The following VPS9D1 variants were observed in gnomAD, a reference collection of about 807,000 sequenced individuals.
The protein encoded by VPS9D1 is VPS9 domain-containing protein 1.
VPS9D1 carries 78 observed loss-of-function variants against 75.8 expected under a neutral mutation model. The ratio of observed to expected loss-of-function variants is 1.03; its 90% CI spans 0.86 to 1.24. VPS9D1 has a LOEUF of 1.24. VPS9D1 is among the 50% of genes most tolerant of loss of function. The probability of loss-of-function intolerance (pLI) is 0.00; values close to 1 mark genes in which losing one functional copy is unlikely to be tolerated. For missense variants in VPS9D1, 1,057 were observed against 847.7 expected, an observed-to-expected ratio of 1.25 and a Z score of -3.07; for synonymous variants, 481 against 385.6, an observed-to-expected ratio of 1.25 and a Z score of -2.90.
chr16:89,719,436 G>C, intron 1 of VPS9D1: 1 of 473,108 alleles, frequency 2.1e-6, no homozygotes, highest in South Asian at 1.6e-5. Flanking sequence ...GCCTGGGGAA[G>C]TGACCTCAGC....
At chr16:89,719,464 C>A (rs2061182860) in intron 1 of VPS9D1, 2 of 425,066 alleles carry the variant, frequency 4.7e-6, no homozygotes, top group Admixed American at 2.7e-5. Context: ...TGTCATTTTT[C>A]ATTCTATGCA....
intron 14 of VPS9D1, among the ~76,000 whole-genome samples, 155 bp downstream of exon 14, chr16:89,708,272 T>C (rs1401722204): frequency 6.6e-6 from 1 of 152,224 alleles, no homozygotes; most frequent in Non-Finnish European, 1.5e-5. Context: ...GCAGGCACTC[T>C]GCACAGGTGG....
rs756971544 is a variant in VPS9D1, at chr16:89,709,909, G to C, written c.1259-3C>G. On this transcript the variant is annotated splice_region_variant and splice_polypyrimidine_tract_variant and intron_variant, in intron 10 of 14. Transcript: ENST00000389386. ...AAGGGTCAGCGAGAGCAGCCTGTCT[G>C]CTAGGAACAGAGCCGGGGACGTCCA... The C allele has an allele frequency of 6.2e-7, 1 of 1,605,102 alleles. No individual in the cohort carries two copies. The highest frequency in any genetic ancestry group is 1.1e-5 in the South Asian group (1 of 89,764).
chr16:89,717,119 C>T (rs1405980040), intron 2 of VPS9D1, among the ~76,000 whole-genome samples: 2 of 127,324 alleles, frequency 1.6e-5, no homozygotes, highest in Admixed American at 7.7e-5. Flanking sequence ...GCCCCTTCCA[C>T]CCCCCACTGA....
intron 14 of VPS9D1, 143 bp downstream of exon 14, chr16:89,708,284 C>T: frequency 2.5e-6 from 2 of 801,350 alleles, no homozygotes; most frequent in Middle Eastern, 2.3e-4. Flanking sequence ...CACAGGTGGA[C>T]CCACAGGGGC....
intron 8 of VPS9D1, chr16:89,711,639 G>A (rs1477597667): frequency 1.1e-5 from 7 of 651,824 alleles, no homozygotes; most frequent in African/African-American, 7.6e-5. Flanking sequence ...CTCCTCGCAG[G>A]GACCCTCCCT....
Position 89,712,697 on chromosome 16 carries a change from C to G in VPS9D1, c.451G>C (p.Glu151Gln). 6.2e-7 allele frequency: 1 copy of G among 1,608,338 alleles called. No homozygotes were observed. The highest frequency in any genetic ancestry group is 2.2e-5 in the East Asian group (1 of 44,776). ...SCKKELTPLE[E>Q]ASLQNQKLKA... ...AGCTTCTGATTCTGCAGGGAGGCCT[C>G]CTCCAGTGGCGTCAGCTCTCTGGAA... Residue 151 changes from glutamate to glutamine, a missense_variant, in exon 5 of 15, where the codon GAG becomes CAG. Transcript: ENST00000389386.
rs757629688 is a variant in VPS9D1 at position 89,709,837 on chromosome 16, A to G, written c.1328T>C (p.Leu443Pro). Residue 443 changes from leucine (L) to proline (P), a missense_variant, in exon 11 of 15, where the codon CTG becomes CCG. Leu to Pro is a moderately conservative substitution (Grantham distance 98). Transcript: ENST00000389386. ...LNTAASKDRC[L>P]ACIEEPFFSP... is the part of the protein sequence containing the mutation. ...GAAAAAGGGTTCCTCAATGCAGGCC[A>G]GGCAGCGGTCCTTGGAGGCAGCTGT... The G allele has an allele frequency of 1.2e-6, 2 of 1,613,842 alleles. No homozygotes were observed. The highest frequency in any genetic ancestry group is 1.7e-6 in the Non-Finnish European group (2 of 1,179,922).
chr16:89,718,992 G>A, intron 2 of VPS9D1, 35 bp downstream of exon 2: 1 of 1,592,766 alleles, frequency 6.3e-7, no homozygotes. Context: ...GGGATTACAG[G>A]CGTGAGCCAC....
At position 89,708,808 on chromosome 16, in the gene VPS9D1, T is replaced by C. The variant is rs762042897; in HGVS notation, c.1697+49A>G. ...GATAGTCCCTCCCGTGACCATTGCC[T>C]TTCTAGGGCCCTTCCTCCCTGGCCA... is the stretch of plus-strand genomic sequence containing the variant. On this transcript the variant is annotated intron_variant, in intron 13 of 14. Transcript: ENST00000389386. The C allele has an allele frequency of 3.3e-6, 5 of 1,510,362 alleles. No individual in the cohort carries two copies. The African/African-American group carries it at 5.6e-5, about 17-fold the overall frequency. 93.6% of individuals were successfully genotyped at this position (1,510,362 alleles called of 1,614,324 possible).
chr16:89,711,706 C>A, intron 8 of VPS9D1, 176 bp downstream of exon 8: 1 of 823,316 alleles, frequency 1.2e-6, no homozygotes. Flanking sequence ...CTGCCCCGCC[C>A]CACGCAGCCC....
chr16:89,708,582 C>A lies in VPS9D1; in HGVS notation c.1698-51G>T, dbSNP rs369107338. The A allele has an allele frequency of 6.4e-6, 10 of 1,559,884 alleles. No homozygotes were observed. The African/African-American group carries it at 8.1e-5, about 13-fold the overall frequency. The stretch of plus-strand genomic sequence containing the variant: ...GGTTGGGGCCAGGAGCCTCTCACTC[C>A]GCAAACCCAGCAGCTGTGGAGCCAT... On this transcript the variant is annotated intron_variant, in intron 13 of 14. Transcript: ENST00000389386.
In VPS9D1 at chr16:89,708,879, G is replaced by A; in HGVS notation, c.1675C>T (p.Pro559Ser). 1 of 1,585,282 alleles carries A rather than the reference G, an allele frequency of 6.3e-7. No individual in the cohort carries two copies. Among genetic ancestry groups the A allele is most frequent in the Non-Finnish European group, 8.5e-7 (1 of 1,172,328 alleles). Residue 559 changes from proline to serine, a missense_variant, in exon 13 of 15, where the codon CCG becomes TCG. Pro to Ser is a moderately conservative substitution (Grantham distance 74, BLOSUM62 -1). Transcript: ENST00000389386. ...CACATGGCAGCTGCAGCGATGGGCG[G>A]GGGCCCGGCCTGGGGTGTGGCCTCT... is the stretch of plus-strand genomic sequence containing the variant. ...TPEATPQAGPPPIAAAAIGAD... is the reference protein window; with the variant it reads ...TPEATPQAGPSPIAAAAIGAD...
rs2060898506 is a variant in VPS9D1, at chr16:89,710,810, C to T, written c.1034G>A (p.Arg345Gln). ...LSPPEPSAAP[R>Q]PQDSPPTPPL... Reference sequence around the variant, plus strand: ...GGGCGTGGGGGGACTGTCCTGGGGCCGCGGGGCTGCGCTGGGCTCGGGCGG... The same window carrying T: ...GGGCGTGGGGGGACTGTCCTGGGGCTGCGGGGCTGCGCTGGGCTCGGGCGG... The change falls in exon 10 of 15, where the codon CGG (arginine) becomes CAG (glutamine). Residue 345 changes from arginine (R) to glutamine (Q), a missense_variant. By Grantham distance (43) the Arg-to-Gln change is conservative. Transcript: ENST00000389386. 2 of 1,537,884 alleles carry T rather than the reference C, an allele frequency of 1.3e-6. No homozygotes were observed. Among genetic ancestry groups the T allele is most frequent in the African/African-American group, 1.4e-5 (1 of 72,640 alleles).
At chr16:89,711,779 A>G (rs1597910766) in intron 8 of VPS9D1, 103 bp downstream of exon 8, 3 of 1,236,454 alleles carry the variant, frequency 2.4e-6, no homozygotes, top group African/African-American at 1.8e-5. Context: ...ACTGCCCCCC[A>G]CAGCCTCTGG....
intron 4 of VPS9D1, 146 bp downstream of exon 4, chr16:89,716,316 A>C: frequency 2.4e-6 from 3 of 1,241,248 alleles, no homozygotes; most frequent in Non-Finnish European, 3.4e-6. Flanking sequence ...CCGTGAGCCA[A>C]GATTGAGCCG....
At position 89,720,457 on chromosome 16, in the gene VPS9D1, G is replaced by GA; in HGVS notation, c.99+305dup. 1.3e-5 allele frequency: 14 copies of GA among 1,078,638 alleles called. 1 individual carries two copies. Among genetic ancestry groups the GA allele is most frequent in the Non-Finnish European group, 1.6e-5 (14 of 890,614 alleles). 66.8% of individuals were successfully genotyped at this position (1,078,638 alleles called of 1,614,324 possible). A position where few individuals can be genotyped will look rare whatever the true frequency, so the allele number is the denominator to read the frequency against. ...AACGCACGGACCTGCCCGTCACTCG[G>GA]ATTTTGGAAGGTGGCCTGGCGGACC... On this transcript the variant is annotated intron_variant, in intron 1 of 14. Transcript: ENST00000389386.
At chr16:89,715,459 C>G (rs1199331999) in intron 4 of VPS9D1, among the ~76,000 whole-genome samples, 1 of 151,352 alleles carries the variant, frequency 6.6e-6, no homozygotes, top group Non-Finnish European at 1.5e-5. Context: ...ATCTCCTGAC[C>G]TCATGATCCA....
chr16:89,716,824 T>C lies in VPS9D1; in HGVS notation c.176-2A>G. 4 of 1,588,818 alleles carry C rather than the reference T, an allele frequency of 2.5e-6. No individual in the cohort carries two copies. The highest frequency in any genetic ancestry group is 3.4e-6 in the Non-Finnish European group (4 of 1,172,968). On this transcript the variant is annotated splice_acceptor_variant, in intron 2 of 14. Coordinates refer to ENST00000389386, the MANE Select transcript of VPS9D1 (RefSeq NM_004913.3). LOFTEE classifies it high-confidence loss of function. ...CGGGGGGCACAGTTTCCCCAGCTTC[T>C]GGGGGAGGGACAAGAAGGCTGGTCA...
Sources: gnomAD v4.1 joint callset for allele counts (sites outside exome capture counted in the v4.1 genomes callset) on GRCh38, gnomAD v4.1.1 for gene constraint, MANE v1.5 for transcripts, NCBI Gene and HGNC (gene_info 2026-07-23, HGNC 2026-07-21) for gene names.